Variants in TCF7L1 observed in about 807,000 individuals in gnomAD.
TCF7L1 encodes the protein transcription factor 7-like 1.
TCF7L1 carries 18 observed loss-of-function variants against 63.7 expected under a neutral mutation model. The ratio of observed to expected loss-of-function variants is 0.28; its 90% CI spans 0.20 to 0.42. The LOEUF (loss-of-function observed/expected upper bound fraction) is 0.42, where lower values mean the gene tolerates loss of function less well. TCF7L1 is among the 10% of genes least tolerant of loss of function. The pLI, the probability that TCF7L1 is intolerant of heterozygous loss-of-function variation, is 1.00. For synonymous variants in TCF7L1, 355 were observed against 340.9 expected, an observed-to-expected ratio of 1.04 and a Z score of -0.46; for missense variants, 654 against 779.3, an observed-to-expected ratio of 0.84 and a Z score of 1.91.
At chr2:85,261,124 GTGTGT>G (rs1680848531) in intron 3 of TCF7L1, among the ~76,000 whole-genome samples, 1 of 79,480 alleles carries the variant, frequency 1.3e-5, no homozygotes, top group Admixed American at 1.5e-4. Context: ...ATTATTGCTG[GTGTGT>G]GTGTGTGTGT....
chr2:85,198,328 A>G (rs1219213854), intron 3 of TCF7L1, among the ~76,000 whole-genome samples: 2 of 152,212 alleles, frequency 1.3e-5, no homozygotes, highest in Non-Finnish European at 2.9e-5. Flanking sequence ...TACTCAACAC[A>G]ATTAGAGCCC....
intron 3 of TCF7L1, among the ~76,000 whole-genome samples, chr2:85,153,631 G>A (rs1208613921): frequency 6.6e-6 from 1 of 152,108 alleles, no homozygotes; most frequent in Non-Finnish European, 1.5e-5. Context: ...GTGAGCCACT[G>A]CACCCGGCTA....
At chr2:85,202,830 C>T (rs774959772) in intron 3 of TCF7L1, among the ~76,000 whole-genome samples, 30 of 152,168 alleles carry the variant, frequency 2.0e-4, no homozygotes, top group Admixed American at 5.9e-4. Context: ...AAAGTACCTC[C>T]GAACTCTTTT....
chr2:85,243,473 AGGGGAACATGCCCAGCGACTCCACGT>A (rs371922829), intron 3 of TCF7L1, among the ~76,000 whole-genome samples: 2,003 of 152,290 alleles, frequency 0.013, 20 homozygotes, highest in Non-Finnish European at 0.019. Flanking sequence ...GGGGAAGGGA[AGGGGAACATGCCCAGCGACTCCACGT>A]GGGGAAGTTG....
At chr2:85,212,824 C>T (rs1052920559) in intron 3 of TCF7L1, among the ~76,000 whole-genome samples, 1 of 152,080 alleles carries the variant, frequency 6.6e-6, no homozygotes, top group African/African-American at 2.4e-5. Flanking sequence ...GTGAGACGAA[C>T]CCGCTGAGCA....
intron 4 of TCF7L1, among the ~76,000 whole-genome samples, chr2:85,294,042 T>TC (rs1400409819): frequency 8.2e-6 from 1 of 121,956 alleles, no homozygotes; most frequent in Non-Finnish European, 1.7e-5. Context: ...TTTTTTTTTT[T>TC]TTTTTTTTTT....
At chr2:85,142,340 G>A (rs550643549) in intron 3 of TCF7L1, among the ~76,000 whole-genome samples, 1 of 151,754 alleles carries the variant, frequency 6.6e-6, no homozygotes, top group Admixed American at 6.6e-5. Flanking sequence ...GATCACTTGA[G>A]CCTGGGCATG....
chr2:85,169,792 T>C (rs1678505261), intron 3 of TCF7L1, among the ~76,000 whole-genome samples: 1 of 152,220 alleles, frequency 6.6e-6, no homozygotes, highest in Non-Finnish European at 1.5e-5. Flanking sequence ...CACACAGCCC[T>C]GGTCTGGGTT....
At chr2:85,284,863 C>T (rs1318375941) in intron 4 of TCF7L1, among the ~76,000 whole-genome samples, 1 of 152,190 alleles carries the variant, frequency 6.6e-6, no homozygotes, top group Non-Finnish European at 1.5e-5. Flanking sequence ...ATGTTCCCTT[C>T]ACCCAGAATT....
rs1574072635 is a variant in TCF7L1, at chr2:85,134,139, C to T, written c.313+60C>T. The T allele has an allele frequency of 6.3e-7, 1 of 1,582,066 alleles. No homozygotes were observed. The highest frequency in any genetic ancestry group is 1.7e-5 in the Admixed American group (1 of 57,826). On this transcript the variant is annotated intron_variant, in intron 2 of 11. Transcript: ENST00000282111. The surrounding 1 kb of genome is among the most constrained non-coding windows in gnomAD (Gnocchi z 5.0). The stretch of plus-strand genomic sequence containing the variant: ...TTCCCGCTGCGCTCCGCTGCTCAGC[C>T]CGGGCGGCCCACCGTCCCCCTTGCT...
Position 85,134,422 on chromosome 2 carries a change from G to C in TCF7L1, c.413G>C (p.Gly138Ala), listed in dbSNP as rs372680628. The change falls in exon 3 of 12, where the codon GGA (glycine) becomes GCA (alanine). Residue 138 changes from glycine to alanine, a missense_variant. Transcript: ENST00000282111. This position sits in a 1 kb window ranked among gnomAD's most constrained non-coding sequence, Gnocchi z 5.0. ...PDLSSPYLSNGPLSPGGARTY... is the reference protein window; with the variant it reads ...PDLSSPYLSNAPLSPGGARTY... ...CTGAGCAGCCCGTACCTCTCCAACGGACCCCTGTCTCCCGGAGGAGCGCGC... is the reference window on the plus strand; with the variant it reads ...CTGAGCAGCCCGTACCTCTCCAACGCACCCCTGTCTCCCGGAGGAGCGCGC... 18 of 1,561,696 alleles carry C rather than the reference G, an allele frequency of 1.2e-5. No individual in the cohort carries two copies. The highest frequency in any genetic ancestry group is 1.5e-5 in the Non-Finnish European group (17 of 1,152,690).
At chr2:85,243,432 GA>G (rs1220134581) in intron 3 of TCF7L1, among the ~76,000 whole-genome samples, 1 of 152,144 alleles carries the variant, frequency 6.6e-6, no homozygotes, top group Non-Finnish European at 1.5e-5. Flanking sequence ...GGCCTTGTGT[GA>G]CATAATGGCC....
chr2:85,279,324 C>G (rs909076723), intron 3 of TCF7L1, among the ~76,000 whole-genome samples: 5 of 152,186 alleles, frequency 3.3e-5, no homozygotes, highest in Admixed American at 2.0e-4. Flanking sequence ...TTTGCGAGAG[C>G]AAGGCGGGAG....
At chr2:85,183,558 G>A (rs1418907474) in intron 3 of TCF7L1, among the ~76,000 whole-genome samples, 1 of 152,142 alleles carries the variant, frequency 6.6e-6, no homozygotes, top group Non-Finnish European at 1.5e-5. Flanking sequence ...GAATAAGGCA[G>A]TAGGTGTTTT....
intron 3 of TCF7L1, among the ~76,000 whole-genome samples, chr2:85,167,748 C>T (rs756894372): frequency 2.0e-5 from 3 of 152,120 alleles, no homozygotes; most frequent in Non-Finnish European, 4.4e-5. Context: ...CCCGTAGTTT[C>T]GGCTACTCGG....
intron 3 of TCF7L1, among the ~76,000 whole-genome samples, chr2:85,154,917 A>G (rs1678110685): frequency 6.6e-6 from 1 of 152,156 alleles, no homozygotes; most frequent in African/African-American, 2.4e-5. Context: ...CCCGGGTTCA[A>G]GCAACTCTCC....
chr2:85,164,823 AT>A (rs1362730600), intron 3 of TCF7L1, among the ~76,000 whole-genome samples: 9 of 152,162 alleles, frequency 5.9e-5, no homozygotes, highest in Admixed American at 3.3e-4. Context: ...AGCAAAGTTA[AT>A]TTTTTACAGT....
Position 85,282,453 on chromosome 2 carries a change from A to G in TCF7L1, c.442-1042A>G, listed in dbSNP as rs145727803. The stretch of plus-strand genomic sequence containing the variant: ...CAACATGTGTGCTTTTGCTCCTGGC[A>G]AAGACTAATGGTTTGCTTATGGAAA... On this transcript the variant is annotated intron_variant, in intron 3 of 11. Transcript: ENST00000282111. Among the ~76,000 whole-genome samples the G allele has an allele frequency of 5.9e-5, 9 of 152,364 alleles. No homozygotes were observed. The East Asian group carries it at 9.6e-4, about 16-fold the overall frequency.
At chr2:85,236,040 C>G (rs1452131074) in intron 3 of TCF7L1, among the ~76,000 whole-genome samples, 2 of 152,098 alleles carry the variant, frequency 1.3e-5, no homozygotes, top group Non-Finnish European at 2.9e-5. Flanking sequence ...ATGCCCTCAG[C>G]TACTTGGGGA....
Sources: gnomAD v4.1 joint callset for allele counts (sites outside exome capture counted in the v4.1 genomes callset) on GRCh38, gnomAD v4.1.1 for gene constraint, Gnocchi (gnomAD v3.1) non-coding constraint, MANE v1.5 for transcripts, NCBI Gene and HGNC (gene_info 2026-07-23, HGNC 2026-07-21) for gene names.